Variants in ZNF536 observed in about 807,000 individuals in gnomAD.
ZNF536 encodes zinc finger protein 536.
A neutral mutation model predicts 84.5 loss-of-function variants in ZNF536; 13 were observed. The ratio of observed to expected loss-of-function variants is 0.15; its 90% CI spans 0.10 to 0.24. ZNF536 has a LOEUF of 0.24. Among genes scored for constraint, ZNF536 ranks in the 10% least tolerant of loss-of-function variants. The pLI is 1.00. For missense variants in ZNF536, 1,536 were observed against 1,747.5 expected, an observed-to-expected ratio of 0.88 and a Z score of 2.16; for synonymous variants, 811 against 742.5, an observed-to-expected ratio of 1.09 and a Z score of -1.50.
intron 1 of ZNF536, among the ~76,000 whole-genome samples, chr19:30,397,359 C>T (rs1359092151): frequency 6.6e-6 from 1 of 152,208 alleles, no homozygotes; most frequent in African/African-American, 2.4e-5. Flanking sequence ...ACTAAATACA[C>T]ACACCACACT....
intron 1 of ZNF536, among the ~76,000 whole-genome samples, chr19:30,375,209 G>C: frequency 6.7e-6 from 1 of 148,896 alleles, no homozygotes; most frequent in Non-Finnish European, 1.5e-5. Flanking sequence ...GGCGCCCGGC[G>C]GTAGTGCCAC....
At chr19:30,279,384 C>T (rs79371890) in intron 1 of ZNF536, among the ~76,000 whole-genome samples, 1,622 of 152,112 alleles carry the variant, frequency 0.011, 26 homozygotes, top group African/African-American at 0.037. Flanking sequence ...GCTGATTCTC[C>T]GAGAGAAAGC....
intron 1 of ZNF536, among the ~76,000 whole-genome samples, chr19:30,607,697 G>C (rs2047948404): frequency 1.4e-5 from 2 of 142,602 alleles, no homozygotes; most frequent in Admixed American, 7.4e-5. Context: ...ACTCCAGCCT[G>C]GGTGACATGT....
intron 2 of ZNF536, among the ~76,000 whole-genome samples, chr19:30,495,486 C>A (rs2054681065): frequency 6.6e-6 from 1 of 152,180 alleles, no homozygotes; most frequent in South Asian, 2.1e-4. Flanking sequence ...GCTAAGTCAG[C>A]CTCTGAACAA....
intron 1 of ZNF536, among the ~76,000 whole-genome samples, chr19:30,439,739 TGG>T (rs141445636): frequency 0.031 from 4,660 of 152,156 alleles, 245 homozygotes; most frequent in African/African-American, 0.11. Context: ...CCTAGGGAGC[TGG>T]TCAGCTCCTC....
intron 1 of ZNF536, among the ~76,000 whole-genome samples, chr19:30,583,815 T>C (rs1465186057): frequency 6.6e-6 from 1 of 152,060 alleles, no homozygotes; most frequent in Admixed American, 6.6e-5. Context: ...GATGAACAAA[T>C]GAATGAAGTA....
intron 2 of ZNF536, among the ~76,000 whole-genome samples, chr19:30,510,609 G>C (rs76346726): frequency 0.012 from 1,765 of 152,316 alleles, 35 homozygotes; most frequent in African/African-American, 0.041. Flanking sequence ...CCTCCTTCAT[G>C]ATGGGTCAGT....
In ZNF536 at chr19:30,694,825, G is replaced by A. The variant is rs187680256; in HGVS notation, c.170-15932G>A. ...CCATGGGGGAGGCCTGTGGGCTTTTGGAGCTCACAGTCAGGGTGGGCCGTG... is the reference window on the plus strand; with the variant it reads ...CCATGGGGGAGGCCTGTGGGCTTTTAGAGCTCACAGTCAGGGTGGGCCGTG... On this transcript the variant is annotated intron_variant, in intron 1 of 1. Coordinates refer to the ZNF536 transcript ENST00000592773. 1.2e-4 allele frequency among the ~76,000 whole-genome samples: 18 copies of A among 152,244 alleles called. No homozygotes were observed. In the East Asian group the frequency reaches 3.1e-3, roughly 26 times the overall value.
intron 1 of ZNF536, among the ~76,000 whole-genome samples, chr19:30,651,283 G>A (rs935348292): frequency 6.6e-6 from 1 of 152,202 alleles, no homozygotes; most frequent in Non-Finnish European, 1.5e-5. Context: ...TGTTGCCTGT[G>A]TGTTTCATCA....
At position 30,526,649 on chromosome 19, in the gene ZNF536, G is replaced by A. The variant is rs866579554; in HGVS notation, c.2171-8198G>A. Among the ~76,000 whole-genome samples, 419 of 124,814 alleles carry A rather than the reference G, an allele frequency of 3.4e-3. 6 individuals are homozygous for A. The highest frequency in any genetic ancestry group is 0.01 in the African/African-American group (394 of 38,834). 81.9% of individuals were successfully genotyped at this position (124,814 alleles called of 152,430 possible). A position where few individuals can be genotyped will look rare whatever the true frequency, so the allele number is the denominator to read the frequency against. ...TGAGGCAGGAGAATGGCGTGAACCC[G>A]GGAGGCGGAGCTTGCAGTGAGCCGA... On this transcript the variant is annotated intron_variant, in intron 2 of 4. Coordinates refer to ENST00000355537, the MANE Select transcript of ZNF536 (RefSeq NM_014717.3).
At chr19:30,712,578 C>G (rs533318067) in exon 2 of ZNF536, 1 of 152,172 alleles carries the variant, frequency 6.6e-6, no homozygotes, top group South Asian at 2.1e-4. Context: ...ATCCTGAGAC[C>G]AGAAAGAATC....
intron 1 of ZNF536, among the ~76,000 whole-genome samples, chr19:30,574,892 G>T (rs1156666867): frequency 6.6e-6 from 1 of 152,096 alleles, no homozygotes; most frequent in East Asian, 1.9e-4. Context: ...AAGGTGAGAG[G>T]CTAAGGTCTA....
chr19:30,359,134 G>C (rs2048189560), intron 3 of ZNF536, among the ~76,000 whole-genome samples: 1 of 151,256 alleles, frequency 6.6e-6, no homozygotes, highest in Non-Finnish European at 1.5e-5. Context: ...AAGGAATCCA[G>C]TTCTTTTTAA....
chr19:30,529,196 C>T (rs989450003), intron 2 of ZNF536, among the ~76,000 whole-genome samples: 4 of 152,022 alleles, frequency 2.6e-5, no homozygotes, highest in African/African-American at 7.2e-5. Context: ...GGAAATCTAC[C>T]CTTCAAGTAC....
chr19:30,493,533 G>A (rs888204168), intron 2 of ZNF536, among the ~76,000 whole-genome samples: 1 of 152,172 alleles, frequency 6.6e-6, no homozygotes, highest in East Asian at 1.9e-4. Flanking sequence ...CCAAGAGAAA[G>A]AAGAAAAACA....
At chr19:30,657,979 A>G (rs764328100) in intron 1 of ZNF536, among the ~76,000 whole-genome samples, 10 of 151,628 alleles carry the variant, frequency 6.6e-5, no homozygotes, top group Non-Finnish European at 1.0e-4. Context: ...AAATCAGACC[A>G]TATATCCTCT....
At chr19:30,654,264 C>T (rs1005235426) in intron 1 of ZNF536, among the ~76,000 whole-genome samples, 2 of 152,130 alleles carry the variant, frequency 1.3e-5, no homozygotes, top group African/African-American at 4.8e-5. Context: ...TGTGACCGCC[C>T]GGCATAGTAA....
At chr19:30,484,548 A>G (rs564666871) in intron 2 of ZNF536, among the ~76,000 whole-genome samples, 5 of 151,848 alleles carry the variant, frequency 3.3e-5, no homozygotes, top group South Asian at 4.2e-4. Context: ...ATTCTTTAAT[A>G]TATCAAGTAA....
intron 1 of ZNF536, among the ~76,000 whole-genome samples, chr19:30,608,443 C>T (rs1461018904): frequency 1.3e-5 from 2 of 152,044 alleles, no homozygotes; most frequent in South Asian, 2.1e-4. Flanking sequence ...ATGATGCATA[C>T]CAAAATGAGA....
Sources: gnomAD v4.1 joint callset for allele counts (sites outside exome capture counted in the v4.1 genomes callset) on GRCh38, gnomAD v4.1.1 for gene constraint, MANE v1.5 for transcripts, NCBI Gene and HGNC (gene_info 2026-07-23, HGNC 2026-07-21) for gene names.